The following N4BP1 variants were observed in gnomAD, a reference collection of about 807,000 sequenced individuals.
N4BP1 encodes the protein NEDD4-binding protein 1.
In N4BP1, 21 loss-of-function variants were observed where a neutral mutation model predicts 70.9. The observed-to-expected ratio is 0.30, with a 90% CI of 0.21 to 0.43. The LOEUF (loss-of-function observed/expected upper bound fraction) is 0.43, where lower values mean the gene tolerates loss of function less well. N4BP1 is among the 20% of genes least tolerant of loss of function. The pLI is 1.00. For missense variants in N4BP1, 936 were observed against 1,069.4 expected, an observed-to-expected ratio of 0.88 and a Z score of 1.74; for synonymous variants, 387 against 394.6, an observed-to-expected ratio of 0.98 and a Z score of 0.23.
intron 4 of N4BP1, among the ~76,000 whole-genome samples, chr16:48,549,475 T>A (rs550591436): frequency 3.3e-5 from 5 of 152,208 alleles, no homozygotes; most frequent in Non-Finnish European, 7.3e-5. Flanking sequence ...TGTACGTGTG[T>A]TCCAACGCTG....
chr16:48,579,670 G>T (rs1015393029), intron 1 of N4BP1, among the ~76,000 whole-genome samples: 12 of 141,062 alleles, frequency 8.5e-5, no homozygotes, highest in African/African-American at 2.6e-4. Flanking sequence ...AATAGAAAAA[G>T]AAAAATGACA....
At chr16:48,564,237 C>T (rs1963905056) in intron 1 of N4BP1, among the ~76,000 whole-genome samples, 1 of 152,140 alleles carries the variant, frequency 6.6e-6, no homozygotes, top group African/African-American at 2.4e-5. Flanking sequence ...TAAGGAAGTT[C>T]GGTTTTTAGA....
At chr16:48,585,607 C>T (rs1238878546) in intron 1 of N4BP1, among the ~76,000 whole-genome samples, 4 of 145,608 alleles carry the variant, frequency 2.7e-5, no homozygotes, top group African/African-American at 7.7e-5. Context: ...GGTGTGATCT[C>T]GGCTCACTGC....
At chr16:48,604,998 C>A (rs1333327572) in intron 1 of N4BP1, among the ~76,000 whole-genome samples, 2 of 152,106 alleles carry the variant, frequency 1.3e-5, no homozygotes, top group Middle Eastern at 3.4e-3. Context: ...AGGAAGCATT[C>A]TGAGTTTGTG....
At chr16:48,560,603 C>A (rs1345278943) in intron 2 of N4BP1, 151 bp downstream of exon 2, 1 of 956,964 alleles carries the variant, frequency 1.0e-6, no homozygotes, top group Admixed American at 2.9e-5. Context: ...ACCTTTCCAA[C>A]CAGTTGGTTC....
At chr16:48,587,038 T>C (rs200517346) in intron 1 of N4BP1, 1 of 152,198 alleles carries the variant, frequency 6.6e-6, no homozygotes, top group South Asian at 2.1e-4. Context: ...CTGATTTTGT[T>C]GGTTACTGTA....
chr16:48,558,624 G>A (rs1404278565), intron 2 of N4BP1, among the ~76,000 whole-genome samples: 2 of 152,194 alleles, frequency 1.3e-5, no homozygotes, highest in African/African-American at 4.8e-5. Flanking sequence ...TTCTTATTTG[G>A]AAAATCCTTC....
At chr16:48,543,854 C>T (rs1963549292) in intron 6 of N4BP1, among the ~76,000 whole-genome samples, 1 of 152,182 alleles carries the variant, frequency 6.6e-6, no homozygotes, top group African/African-American at 2.4e-5. Context: ...ACTTCAAAAG[C>T]TCAACTAACT....
rs116861832 is a variant in N4BP1, at chr16:48,560,502, G to A, written c.1889+252C>T. 8.4e-3 allele frequency: 3,595 copies of A among 428,070 alleles called. 29 individuals are homozygous for A. Among genetic ancestry groups the A allele is most frequent in the Non-Finnish European group, 8.6e-3 (2,092 of 242,308 alleles). 26.5% of individuals were successfully genotyped at this position (428,070 alleles called of 1,614,324 possible). On this transcript the variant is annotated intron_variant, in intron 2 of 6. Coordinates refer to ENST00000262384, the MANE Select transcript of N4BP1 (RefSeq NM_153029.4). ...TACATATCACTGAGCAATGCAACGT[G>A]AAAAGATAATTTTCTATCCTCTCTT...
At position 48,580,089 on chromosome 16, in the gene N4BP1, T is replaced by C. The variant is rs899664538; in HGVS notation, c.199-17645A>G. Among the ~76,000 whole-genome samples the C allele has an allele frequency of 2.0e-4, 30 of 151,722 alleles. 1 individual carries two copies. Among genetic ancestry groups the C allele is most frequent in the Admixed American group, 1.8e-3 (27 of 15,240 alleles). Reference sequence around the variant, plus strand: ...ATCCAGATGGAAATTAAGATTAGATTAGAAATAAATGAAAGATTAGAGCAG... The same window carrying C: ...ATCCAGATGGAAATTAAGATTAGATCAGAAATAAATGAAAGATTAGAGCAG... On this transcript the variant is annotated intron_variant, in intron 1 of 6. Transcript: ENST00000262384.
In N4BP1 at chr16:48,561,215, AC is replaced by A; in HGVS notation, c.1427del (p.Gly476ValfsTer63). On this transcript the variant is annotated frameshift_variant, in exon 2 of 7. Coordinates refer to ENST00000262384, the MANE Select transcript of N4BP1 (RefSeq NM_153029.4). LOFTEE classifies it high-confidence loss of function. The part of the protein sequence containing the change: ...VPIEQKHEVW[G>X]SNQNYICNTD... ...TGTTACAAATGTAGTTCTGGTTTGA[AC>A]CCCAGACTTCATGTTTCTGTTCTAT... 1 of 1,613,872 alleles carries A rather than the reference AC, an allele frequency of 6.2e-7. No homozygotes were observed. Among genetic ancestry groups the A allele is most frequent in the Non-Finnish European group, 8.5e-7 (1 of 1,179,866 alleles).
chr16:48,607,465 A>C (rs1964601082), intron 1 of N4BP1, among the ~76,000 whole-genome samples: 1 of 152,212 alleles, frequency 6.6e-6, no homozygotes, highest in African/African-American at 2.4e-5. Flanking sequence ...TTTAGGCTGA[A>C]TGAGACAGGT....
chr16:48,584,962 C>T (rs771015429), intron 1 of N4BP1, among the ~76,000 whole-genome samples: 9 of 152,198 alleles, frequency 5.9e-5, no homozygotes, highest in African/African-American at 1.7e-4. Flanking sequence ...GATAGAGTCT[C>T]GCTTTGTCAC....
chr16:48,560,226 A>G (rs1166614477), intron 2 of N4BP1, among the ~76,000 whole-genome samples: 4 of 152,192 alleles, frequency 2.6e-5, no homozygotes, highest in African/African-American at 7.2e-5. Context: ...CAAATATTAT[A>G]AACTTTTAGT....
At chr16:48,543,928 A>G (rs1963550626) in intron 6 of N4BP1, among the ~76,000 whole-genome samples, 1 of 152,162 alleles carries the variant, frequency 6.6e-6, no homozygotes, top group Non-Finnish European at 1.5e-5. Context: ...GCCGCTCCAC[A>G]AAGAGCCACC....
In N4BP1 at chr16:48,538,910, C is replaced by T. The variant is rs1172336870; in HGVS notation, c.*3994G>A. ...AGAGTGGCAAGTGCTCAAAGCGAGA[C>T]ACAAAGTGCTGTGCGGTCACAACAT... On this transcript the variant is annotated 3_prime_UTR_variant, in exon 7 of 7. Transcript: ENST00000262384. 1 of 152,270 alleles carries T rather than the reference C, an allele frequency of 6.6e-6. No individual in the cohort carries two copies. Among genetic ancestry groups the T allele is most frequent in the Non-Finnish European group, 1.5e-5 (1 of 68,112 alleles). 9.4% of individuals were successfully genotyped at this position (152,270 alleles called of 1,614,324 possible).
intron 1 of N4BP1, among the ~76,000 whole-genome samples, chr16:48,580,574 AT>A (rs2151095586): frequency 6.6e-6 from 1 of 152,294 alleles, no homozygotes; most frequent in South Asian, 2.1e-4. Flanking sequence ...TTCCAAATTC[AT>A]TTTTGAGGCC....
At chr16:48,548,412 C>T (rs1033565420) in intron 4 of N4BP1, among the ~76,000 whole-genome samples, 1 of 152,178 alleles carries the variant, frequency 6.6e-6, no homozygotes, top group African/African-American at 2.4e-5. Context: ...AATAAGAATG[C>T]ATGAAGACCA....
intron 2 of N4BP1, among the ~76,000 whole-genome samples, chr16:48,555,450 A>T (rs573757059): frequency 2.0e-5 from 3 of 152,342 alleles, no homozygotes; most frequent in African/African-American, 7.2e-5. Flanking sequence ...TGTGAGATTC[A>T]CAAGAGCTAC....
Sources: allele counts gnomAD v4.1 joint callset (sites outside exome capture counted in the v4.1 genomes callset), GRCh38; gene constraint gnomAD v4.1.1; transcripts MANE v1.5; gene names NCBI Gene and HGNC (gene_info 2026-07-23, HGNC 2026-07-21).